Variants in FMNL1 observed in about 807,000 individuals in gnomAD.
FMNL1 encodes formin like 1, also known as formin-like protein 1.
A neutral mutation model predicts 121.3 loss-of-function variants in FMNL1; 43 were observed. The observed-to-expected ratio is 0.35, with a 90% CI of 0.28 to 0.46. The LOEUF (loss-of-function observed/expected upper bound fraction) is 0.46, where lower values mean the gene tolerates loss of function less well. FMNL1 is among the 20% of genes least tolerant of loss of function. FMNL1 has a pLI of 1.00. For synonymous variants in FMNL1, 613 were observed against 613.5 expected, an observed-to-expected ratio of 1.00 and a Z score of 0.01; for missense variants, 1,191 against 1,482.4, an observed-to-expected ratio of 0.80 and a Z score of 3.23.
chr17:45,227,548 A>G (rs1410665022), intron 1 of FMNL1, among the ~76,000 whole-genome samples: 1 of 152,170 alleles, frequency 6.6e-6, no homozygotes, highest in Non-Finnish European at 1.5e-5. Flanking sequence ...CCAAAGCACT[A>G]AAGGCAGCAG....
chr17:45,234,262 T>C (rs569386802), intron 6 of FMNL1, 62 bp downstream of exon 6: 1 of 1,611,922 alleles, frequency 6.2e-7, no homozygotes, highest in Non-Finnish European at 8.5e-7. Flanking sequence ...CACTGCTGCA[T>C]CTAGCCAGCC....
chr17:45,246,784 G>T, intron 26 of FMNL1, 83 bp from the exon 27 acceptor site: 1 of 712,742 alleles, frequency 1.4e-6, no homozygotes, highest in Non-Finnish European at 2.5e-6. Flanking sequence ...GAGTCCTTAG[G>T]AGGCTAAGCT....
At position 45,241,265 on chromosome 17, in the gene FMNL1, A is replaced by G; in HGVS notation, c.1332+35A>G. On this transcript the variant is annotated intron_variant, in intron 13 of 26. Coordinates refer to ENST00000331495, the MANE Select transcript of FMNL1 (RefSeq NM_005892.4). This position sits in a 1 kb window ranked among gnomAD's most constrained non-coding sequence, Gnocchi z 7.0. The stretch of plus-strand genomic sequence containing the variant: ...GGGCGGGTGGTAGGCCAGGCGCCCA[A>G]GAACAGGCCAGCTGAGGCTTCTAGG... 2.5e-6 allele frequency: 4 copies of G among 1,613,590 alleles called. No individual in the cohort carries two copies. The highest frequency in any genetic ancestry group is 3.4e-6 in the Non-Finnish European group (4 of 1,179,844).
At chr17:45,230,839 G>A (rs970901419) in intron 2 of FMNL1, 152 bp downstream of exon 2, 50 of 736,628 alleles carry the variant, frequency 6.8e-5, no homozygotes, top group Non-Finnish European at 9.9e-5. Flanking sequence ...GGAGGGTGCT[G>A]GGGTCTGCAG....
At position 45,233,254 on chromosome 17, in the gene FMNL1, G is replaced by A; in HGVS notation, c.358G>A (p.Val120Met). Residue 120 changes from valine (V) to methionine (M), a missense_variant, in exon 4 of 27, where the codon GTG becomes ATG. This residue lies in a region of FMNL1 where 253 missense variants were observed against 417.5 expected (regional missense o/e 0.61). Transcript: ENST00000331495. The surrounding 1 kb of genome is among the most constrained non-coding windows in gnomAD (Gnocchi z 4.1). ...FKRRVQESTQ[V>M]LRELETSLRT... is the part of the protein sequence containing the mutation. The stretch of plus-strand genomic sequence containing the variant: ...GAGGCGAGTTCAGGAGTCCACGCAG[G>A]TGCTACGGGAGCTGGAGACCTCCCT... 1 of 1,561,822 alleles carries A rather than the reference G, an allele frequency of 6.4e-7. No individual in the cohort carries two copies. The highest frequency in any genetic ancestry group is 1.2e-5 in the South Asian group (1 of 84,758).
chr17:45,240,924 C>T, intron 12 of FMNL1: 2 of 713,500 alleles, frequency 2.8e-6, no homozygotes, highest in South Asian at 3.6e-5. Flanking sequence ...TCCTCTCCCT[C>T]CACCTCCCGC....
In FMNL1 at chr17:45,242,016, G is replaced by GCCC; in HGVS notation, c.1758_1760dup (p.Pro595dup). ...CGCCGCCGCTGCCCGGAGACCTGCCGCCCCCACCCCCGCCACCGCCACCAC... is the reference window on the plus strand; with the variant it reads ...CGCCGCCGCTGCCCGGAGACCTGCCGCCCCCCCCACCCCCGCCACCGCCACCAC... On this transcript the variant is annotated inframe_insertion, in exon 15 of 27. Transcript: ENST00000331495. The GCCC allele has an allele frequency of 7.8e-7, 1 of 1,288,294 alleles. No individual in the cohort carries two copies. Among genetic ancestry groups the GCCC allele is most frequent in the Non-Finnish European group, 9.9e-7 (1 of 1,014,104 alleles). The allele number at this position is 1,288,294 out of a possible 1,614,324, so 79.8% of individuals were successfully genotyped here. A position where few individuals can be genotyped will look rare whatever the true frequency, so the allele number is the denominator to read the frequency against.
At chr17:45,226,583 C>G (rs1320867442) in intron 1 of FMNL1, among the ~76,000 whole-genome samples, 1 of 152,160 alleles carries the variant, frequency 6.6e-6, no homozygotes, top group East Asian at 1.9e-4. Context: ...TCTCAGTTTC[C>G]CATTTGTGAA....
intron 15 of FMNL1, 57 bp from the exon 16 acceptor site, chr17:45,242,284 A>G: frequency 6.3e-7 from 1 of 1,596,256 alleles, no homozygotes; most frequent in Non-Finnish European, 8.6e-7. Flanking sequence ...CCCTGGGCCC[A>G]GGTTCCCTCC....
Position 45,246,933 on chromosome 17 carries a change from G to A in FMNL1, c.*75G>A. The A allele has an allele frequency of 2.6e-6, 2 of 757,670 alleles. No homozygotes were observed. Among genetic ancestry groups the A allele is most frequent in the Non-Finnish European group, 4.8e-6 (2 of 415,084 alleles). 46.9% of individuals were successfully genotyped at this position (757,670 alleles called of 1,614,324 possible). A position where few individuals can be genotyped will look rare whatever the true frequency, so the allele number is the denominator to read the frequency against. On this transcript the variant is annotated 3_prime_UTR_variant, in exon 27 of 27. Transcript: ENST00000331495. ...CGCAGTGCCCGTCGGCGTCCCCCGG[G>A]CCCCCCACTGCAGGTCACCTCCGAC...
rs766273108 is a variant in FMNL1 at position 45,239,001 on chromosome 17, A to C, written c.1016A>C (p.Asn339Thr). The C allele has an allele frequency of 3.7e-6, 6 of 1,614,196 alleles. No individual in the cohort carries two copies. The South Asian group carries it at 4.4e-5, about 12-fold the overall frequency. The change falls in exon 11 of 27, where the codon AAC becomes ACC. Residue 339 changes from asparagine to threonine, a missense_variant. By Grantham distance (65) the Asn-to-Thr change is moderately conservative (BLOSUM62 0). Around this residue, in one of 4 missense-constraint regions of FMNL1, gnomAD observed 253 missense variants for 417.5 expected, o/e 0.61. Transcript: ENST00000331495. The part of the protein sequence containing the change: ...FINIVVHSVE[N>T]MNFRVFLQYE... ...AACATTGTGGTACATTCGGTGGAGA[A>C]CATGAACTTCCGTGTCTTCCTGCAA...
chr17:45,240,732 G>A, intron 12 of FMNL1, 107 bp downstream of exon 12: 1 of 1,431,602 alleles, frequency 7.0e-7, no homozygotes, highest in Non-Finnish European at 9.3e-7. Context: ...TGTTATAATT[G>A]TGCATTGGAG....
intron 12 of FMNL1, 193 bp downstream of exon 12, chr17:45,240,818 G>C: frequency 1.2e-6 from 1 of 843,880 alleles, no homozygotes; most frequent in South Asian, 1.8e-5. Context: ...CAATGAGTGT[G>C]GGTGAGCACC....
intron 1 of FMNL1, among the ~76,000 whole-genome samples, chr17:45,223,660 G>C (rs572567380): frequency 2.6e-5 from 4 of 152,144 alleles, no homozygotes; most frequent in Non-Finnish European, 5.9e-5. Flanking sequence ...GATGGGGGAG[G>C]GGGGAGAATG....
chr17:45,235,360 C>T (rs2043528416), intron 6 of FMNL1, among the ~76,000 whole-genome samples: 1 of 152,182 alleles, frequency 6.6e-6, no homozygotes, highest in Non-Finnish European at 1.5e-5. Flanking sequence ...CAGACAGATA[C>T]AGGCTTTACA....
chr17:45,243,758 G>T, intron 17 of FMNL1, 33 bp from the exon 18 acceptor site: 1 of 1,588,938 alleles, frequency 6.3e-7, no homozygotes, highest in South Asian at 1.1e-5. Flanking sequence ...GGGTATGGAT[G>T]ATGCCCAATC....
At chr17:45,240,402 A>C in intron 11 of FMNL1, 74 bp from the exon 12 acceptor site, 1 of 1,473,626 alleles carries the variant, frequency 6.8e-7, no homozygotes, top group South Asian at 1.4e-5. Flanking sequence ...CAGTGGTGGC[A>C]GGGGGGTGGT....
In FMNL1 at chr17:45,246,078, C is replaced by T; in HGVS notation, c.3090+105C>T. On this transcript the variant is annotated intron_variant, in intron 24 of 26. Transcript: ENST00000331495. ...CCTCACTGTTACAGACTGACCCTGCCCCAGGAGCCTGGGATGGGAAAGGGT... is the reference window on the plus strand; with the variant it reads ...CCTCACTGTTACAGACTGACCCTGCTCCAGGAGCCTGGGATGGGAAAGGGT... 10 of 1,520,062 alleles carry T rather than the reference C, an allele frequency of 6.6e-6. No homozygotes were observed. In the Admixed American group the frequency reaches 1.5e-4, roughly 23 times the overall value. The allele number at this position is 1,520,062 out of a possible 1,614,324, so 94.2% of individuals were successfully genotyped here.
In FMNL1 at chr17:45,222,070, C is replaced by T. The variant is rs2143099893; in HGVS notation, c.-55C>T. On this transcript the variant is annotated 5_prime_UTR_variant, in exon 1 of 27. Transcript: ENST00000331495. ...GGCCGGGAGCCTCGTCCCCGTCCCC[C>T]GGAAAGCTGGATTTCCGAGGCTGGA... The T allele has an allele frequency of 7.1e-6, 8 of 1,133,910 alleles. No individual in the cohort carries two copies. The highest frequency in any genetic ancestry group is 7.6e-6 in the Non-Finnish European group (7 of 925,648). 70.2% of individuals were successfully genotyped at this position (1,133,910 alleles called of 1,614,324 possible).
Sources: allele counts gnomAD v4.1 joint callset (sites outside exome capture counted in the v4.1 genomes callset), GRCh38; gene constraint gnomAD v4.1.1; regional missense constraint gnomAD v4.1.1; non-coding constraint Gnocchi (gnomAD v3.1); transcripts MANE v1.5; gene names NCBI Gene and HGNC (gene_info 2026-07-23, HGNC 2026-07-21).